TMEM132D: variants seen among roughly 807,000 people sequenced by gnomAD.
TMEM132D encodes transmembrane protein 132D.
TMEM132D carries 21 observed loss-of-function variants against 62.3 expected under a neutral mutation model. The observed-to-expected ratio is 0.34, with a 90% CI of 0.24 to 0.49. The LOEUF (loss-of-function observed/expected upper bound fraction) is 0.49, where lower values mean the gene tolerates loss of function less well. TMEM132D is among the 20% of genes least tolerant of loss of function. TMEM132D has a pLI of 0.99. For synonymous variants in TMEM132D, 621 were observed against 575.6 expected (o/e 1.08, Z -1.13); for missense variants, 1,346 against 1,402.8 (o/e 0.96, Z 0.65).
In TMEM132D at chr12:129,229,529, A is replaced by G. The variant is rs1299717317; in HGVS notation, c.1300-19866T>C. On this transcript the variant is annotated intron_variant, in intron 4 of 8. Transcript: ENST00000422113. ...TAAGTAAATGGGTTCTCAGTCCTCTACTATATCACTACAGAAAAATGCATG... is the reference window on the plus strand; with the variant it reads ...TAAGTAAATGGGTTCTCAGTCCTCTGCTATATCACTACAGAAAAATGCATG... 2.0e-5 allele frequency among the ~76,000 whole-genome samples: 3 copies of G among 152,190 alleles called. No individual in the cohort carries two copies. In the East Asian group the frequency reaches 5.8e-4, roughly 29 times the overall value.
intron 5 of TMEM132D, among the ~76,000 whole-genome samples, chr12:129,185,043 TG>T (rs1290373164): frequency 6.6e-6 from 1 of 152,202 alleles, no homozygotes; most frequent in Admixed American, 6.5e-5. Context: ...TCAATTATCG[TG>T]AGCCGAGCTG....
intron 3 of TMEM132D, among the ~76,000 whole-genome samples, chr12:129,351,916 C>T (rs533700063): frequency 5.3e-4 from 81 of 152,300 alleles, no homozygotes; most frequent in African/African-American, 1.9e-3. Context: ...GCAAGACACC[C>T]TCGCAGTTAG....
At chr12:129,302,395 GT>G (rs1234862868) in intron 4 of TMEM132D, among the ~76,000 whole-genome samples, 1 of 152,260 alleles carries the variant, frequency 6.6e-6, no homozygotes, top group Non-Finnish European at 1.5e-5. Flanking sequence ...GATTACAGGC[GT>G]GAGCCACCAC....
chr12:129,881,597 C>T (rs960208090), intron 1 of TMEM132D, among the ~76,000 whole-genome samples: 1 of 151,814 alleles, frequency 6.6e-6, no homozygotes, highest in African/African-American at 2.4e-5. Context: ...ATCTAAATAA[C>T]ATGAATCATA....
chr12:129,406,500 A>G (rs184138271), intron 3 of TMEM132D, among the ~76,000 whole-genome samples: 26 of 152,030 alleles, frequency 1.7e-4, no homozygotes, highest in Admixed American at 1.6e-3. Context: ...TGTGCCTGTA[A>G]TCCCAGCTAC....
intron 1 of TMEM132D, among the ~76,000 whole-genome samples, chr12:129,769,801 A>G (rs897741265): frequency 2.9e-4 from 44 of 152,180 alleles, no homozygotes; most frequent in African/African-American, 9.7e-4. Context: ...AAAACATTCA[A>G]ACTTGTGAAG....
At chr12:129,255,668 T>C (rs1451850407) in intron 4 of TMEM132D, among the ~76,000 whole-genome samples, 4 of 152,206 alleles carry the variant, frequency 2.6e-5, no homozygotes, top group Non-Finnish European at 5.9e-5. Flanking sequence ...AACCTTCACC[T>C]GTCCCTCACT....
chr12:129,477,069 T>C (rs1018037049), intron 3 of TMEM132D, among the ~76,000 whole-genome samples: 3 of 152,226 alleles, frequency 2.0e-5, no homozygotes, highest in African/African-American at 7.2e-5. Flanking sequence ...TGCTTTTCTA[T>C]GCACAAGAAC....
At chr12:129,409,644 T>G (rs1481116912) in intron 3 of TMEM132D, among the ~76,000 whole-genome samples, 1 of 152,230 alleles carries the variant, frequency 6.6e-6, no homozygotes, top group African/African-American at 2.4e-5. Context: ...TCCTATATTG[T>G]TCAATTCCTA....
chr12:129,155,975 C>T (rs1254814975), intron 5 of TMEM132D, among the ~76,000 whole-genome samples: 1 of 151,978 alleles, frequency 6.6e-6, no homozygotes. Flanking sequence ...ATAACTAACC[C>T]ATCCCCAAGA....
At chr12:129,147,008 A>C (rs969580990) in intron 5 of TMEM132D, among the ~76,000 whole-genome samples, 11 of 152,128 alleles carry the variant, frequency 7.2e-5, no homozygotes, top group African/African-American at 2.4e-4. Flanking sequence ...TTTGTTAAAA[A>C]AAGAAAACTC....
chr12:129,744,772 A>T (rs1420772709), intron 1 of TMEM132D, among the ~76,000 whole-genome samples: 1 of 152,182 alleles, frequency 6.6e-6, no homozygotes, highest in Admixed American at 6.5e-5. Flanking sequence ...TCAACTGGAG[A>T]TTCATAAAGT....
intron 3 of TMEM132D, among the ~76,000 whole-genome samples, chr12:129,353,475 C>T (rs1299547447): frequency 6.6e-6 from 1 of 152,110 alleles, no homozygotes; most frequent in Admixed American, 6.5e-5. Context: ...AGAGTCCCAT[C>T]CTGCCAGCCC....
At chr12:129,839,716 C>A (rs2137342518) in intron 1 of TMEM132D, among the ~76,000 whole-genome samples, 1 of 152,324 alleles carries the variant, frequency 6.6e-6, no homozygotes, top group African/African-American at 2.4e-5. Flanking sequence ...ACTACAAACA[C>A]TGAACCAGTC....
chr12:129,248,860 T>C (rs1021581998), intron 4 of TMEM132D, among the ~76,000 whole-genome samples: 3 of 152,218 alleles, frequency 2.0e-5, no homozygotes, highest in African/African-American at 7.2e-5. Context: ...CCCATGTTCC[T>C]GAAAAGGACA....
intron 2 of TMEM132D, among the ~76,000 whole-genome samples, chr12:129,652,699 C>CA (rs1879962068): frequency 6.6e-6 from 1 of 152,216 alleles, no homozygotes; most frequent in Admixed American, 6.5e-5. Context: ...GTTCTGCCAA[C>CA]ACCTTGACTT....
chr12:129,391,783 G>A (rs1871296238), intron 3 of TMEM132D, among the ~76,000 whole-genome samples: 1 of 152,118 alleles, frequency 6.6e-6, no homozygotes, highest in Admixed American at 6.5e-5. Context: ...TTTAGATAGA[G>A]TCTCGTTCTG....
chr12:129,700,466 T>C lies in TMEM132D; in HGVS notation c.312A>G (p.Gln104=), dbSNP rs111500800. Residue 104 remains glutamine (Q), a synonymous_variant, in exon 2 of 9, where the codon CAA becomes CAG. Coordinates refer to ENST00000422113, the MANE Select transcript of TMEM132D (RefSeq NM_133448.3). ...NASYGPFSIE[Q]VVPQDLMLPS... ...GTAGCATTAAATCCTGGGGCACCAC[T>C]TGCTCGATGGAGAAAGGCCCGTAGC... 21 of 1,614,026 alleles carry C rather than the reference T, an allele frequency of 1.3e-5. No individual in the cohort carries two copies. Among genetic ancestry groups the C allele is most frequent in the Non-Finnish European group, 1.7e-5 (20 of 1,180,036 alleles).
intron 1 of TMEM132D, among the ~76,000 whole-genome samples, chr12:129,897,504 A>C (rs1875181571): frequency 7.9e-5 from 12 of 152,172 alleles, no homozygotes; most frequent in Admixed American, 7.9e-4. Context: ...AAGACAGTCC[A>C]CTGGGCATGT....
Sources: gnomAD v4.1 joint callset for allele counts (sites outside exome capture counted in the v4.1 genomes callset) on GRCh38, gnomAD v4.1.1 for gene constraint, MANE v1.5 for transcripts, NCBI Gene and HGNC (gene_info 2026-07-23, HGNC 2026-07-21) for gene names.